Variants in TAFA1 observed in about 807,000 individuals in gnomAD.
TAFA1 encodes chemokine-like protein TAFA-1.
In TAFA1, 4 loss-of-function variants were observed where a neutral mutation model predicts 18.5. That is an observed-to-expected ratio of 0.22 (90% CI 0.11 to 0.49). The LOEUF is 0.49. TAFA1 is among the 20% of genes least tolerant of loss of function. The pLI, the probability that TAFA1 is intolerant of heterozygous loss-of-function variation, is 0.98. For missense variants in TAFA1, 147 were observed against 169.0 expected (o/e 0.87, Z 0.72); for synonymous variants, 56 against 55.2 (o/e 1.01, Z -0.06).
In TAFA1 at chr3:68,125,662, A is replaced by C. The variant is rs1238055009; in HGVS notation, c.118+118918A>C. Among the ~76,000 whole-genome samples, 3 of 152,186 alleles carry C rather than the reference A, an allele frequency of 2.0e-5. No homozygotes were observed. The East Asian group carries it at 5.8e-4, about 29-fold the overall frequency. The stretch of plus-strand genomic sequence containing the variant: ...TAAATTCTTGTTAAAAGAATTTAAC[A>C]AGACACTGTCTCTGGTGTCCCACAT... On this transcript the variant is annotated intron_variant, in intron 2 of 4. Coordinates refer to ENST00000478136, the MANE Select transcript of TAFA1 (RefSeq NM_213609.4).
chr3:68,448,607 A>AT (rs1452096430), intron 3 of TAFA1, among the ~76,000 whole-genome samples: 480 of 145,562 alleles, frequency 3.3e-3, no homozygotes, highest in South Asian at 7.5e-3. Context: ...GAAAGAGGTG[A>AT]TTTTTTTTTT....
At chr3:68,350,807 G>A (rs1183305126) in intron 2 of TAFA1, among the ~76,000 whole-genome samples, 2 of 152,102 alleles carry the variant, frequency 1.3e-5, no homozygotes, top group African/African-American at 2.4e-5. Context: ...TCGTGTGGCC[G>A]TGGACCAGCC....
chr3:68,512,464 C>G (rs904260123), intron 3 of TAFA1, among the ~76,000 whole-genome samples: 4 of 152,252 alleles, frequency 2.6e-5, no homozygotes, highest in Non-Finnish European at 4.4e-5. Flanking sequence ...CTATTACCAT[C>G]TTGCATATGT....
intron 2 of TAFA1, among the ~76,000 whole-genome samples, chr3:68,124,547 C>T (rs1022049115): frequency 6.6e-6 from 1 of 152,208 alleles, no homozygotes; most frequent in Admixed American, 6.5e-5. Flanking sequence ...TTGGGCTCTT[C>T]CCATGCAAGT....
At chr3:68,023,334 T>A (rs1200446252) in intron 2 of TAFA1, among the ~76,000 whole-genome samples, 1 of 152,176 alleles carries the variant, frequency 6.6e-6, no homozygotes, top group Non-Finnish European at 1.5e-5. Context: ...GAGCAGCATC[T>A]TTTTGAAACA....
At chr3:68,339,462 C>T (rs879217061) in intron 2 of TAFA1, among the ~76,000 whole-genome samples, 1 of 152,086 alleles carries the variant, frequency 6.6e-6, no homozygotes, top group Non-Finnish European at 1.5e-5. Flanking sequence ...GAGAGAAAGA[C>T]AAAGTTAAGG....
rs912173852 is a variant in TAFA1 at position 68,371,880 on chromosome 3, C to T, written c.119-45400C>T. Among the ~76,000 whole-genome samples the T allele has an allele frequency of 2.0e-5, 3 of 152,168 alleles. 1 individual carries two copies. The highest frequency in any genetic ancestry group is 2.0e-4 in the Admixed American group (3 of 15,266). ...ATGGTGCTACTGGTCAGTGTCAGTA[C>T]CAGCTAATTGCTCCCATGGGGACAT... On this transcript the variant is annotated intron_variant, in intron 2 of 4. Transcript: ENST00000478136.
In TAFA1 at chr3:68,145,615, G is replaced by A. The variant is rs2065729892; in HGVS notation, c.118+138871G>A. The A allele has an allele frequency of 4.1e-6, 6 of 1,453,284 alleles. No individual in the cohort carries two copies. In the South Asian group the frequency reaches 5.7e-5, roughly 14 times the overall value. The allele number at this position is 1,453,284 out of a possible 1,614,324, so 90.0% of individuals were successfully genotyped here. On this transcript the variant is annotated intron_variant, in intron 2 of 4. Coordinates refer to ENST00000478136, the MANE Select transcript of TAFA1 (RefSeq NM_213609.4). Reference sequence around the variant, plus strand: ...AGTTAGCCAGACTGACGGATTATGTGGCTTTCCTTGAAGACTGACTTATCA... The same window carrying A: ...AGTTAGCCAGACTGACGGATTATGTAGCTTTCCTTGAAGACTGACTTATCA...
At chr3:67,996,743 G>A in the TAFA1 span, among the ~76,000 whole-genome samples, 1 of 151,796 alleles carries the variant, frequency 6.6e-6, no homozygotes, top group Non-Finnish European at 1.5e-5. Flanking sequence ...AGGTTGCAGT[G>A]AGCCGAGGTC....
At chr3:68,035,120 T>G (rs535103962) in intron 2 of TAFA1, among the ~76,000 whole-genome samples, 1 of 152,178 alleles carries the variant, frequency 6.6e-6, no homozygotes, top group East Asian at 1.9e-4. Context: ...ATTTCCCAGA[T>G]CTTGTCATCT....
chr3:68,193,384 G>T (rs1252966589), intron 2 of TAFA1, among the ~76,000 whole-genome samples: 2 of 151,734 alleles, frequency 1.3e-5, no homozygotes, highest in Non-Finnish European at 3.0e-5. Flanking sequence ...GTCAAGGAAA[G>T]GAAGAAGTTC....
intron 2 of TAFA1, among the ~76,000 whole-genome samples, chr3:68,362,772 G>C (rs1398808068): frequency 6.6e-6 from 1 of 152,006 alleles, no homozygotes; most frequent in Admixed American, 6.6e-5. Context: ...GTTGGTGGAT[G>C]ATATCACTCA....
intron 3 of TAFA1, among the ~76,000 whole-genome samples, chr3:68,499,190 T>A (rs1459980698): frequency 6.6e-6 from 1 of 152,092 alleles, no homozygotes; most frequent in Non-Finnish European, 1.5e-5. Context: ...TCATTTTGTT[T>A]GTCAGGGACA....
chr3:68,368,807 G>T (rs2069623748), intron 2 of TAFA1, among the ~76,000 whole-genome samples: 1 of 152,196 alleles, frequency 6.6e-6, no homozygotes. Flanking sequence ...CAACACATTT[G>T]TGGAGCAGTT....
chr3:68,060,930 T>G (rs1268835684), intron 2 of TAFA1, among the ~76,000 whole-genome samples: 1 of 152,228 alleles, frequency 6.6e-6, no homozygotes, highest in Non-Finnish European at 1.5e-5. Context: ...CTTGTCAGGA[T>G]GGATGATTCA....
intron 3 of TAFA1, among the ~76,000 whole-genome samples, chr3:68,488,285 G>T (rs750754685): frequency 6.6e-6 from 1 of 152,148 alleles, no homozygotes; most frequent in East Asian, 1.9e-4. Context: ...GGAGAAAGAC[G>T]TAGGCCAGAA....
chr3:68,458,620 A>G (rs1439637427), intron 3 of TAFA1, among the ~76,000 whole-genome samples: 1 of 152,094 alleles, frequency 6.6e-6, no homozygotes, highest in Non-Finnish European at 1.5e-5. Context: ...ACTTTTCCCA[A>G]AGTGGCTTTT....
At chr3:68,117,959 A>G (rs573019641) in intron 2 of TAFA1, among the ~76,000 whole-genome samples, 1 of 152,176 alleles carries the variant, frequency 6.6e-6, no homozygotes, top group African/African-American at 2.4e-5. Context: ...TCATCTTGCA[A>G]AACTGAAACT....
At chr3:68,379,808 C>T (rs2069897619) in intron 2 of TAFA1, among the ~76,000 whole-genome samples, 1 of 150,492 alleles carries the variant, frequency 6.6e-6, no homozygotes, top group Non-Finnish European at 1.5e-5. Context: ...GGTACATGTG[C>T]ACAACATGCA....
Sources: gnomAD v4.1 joint callset for allele counts (sites outside exome capture counted in the v4.1 genomes callset) on GRCh38, gnomAD v4.1.1 for gene constraint, MANE v1.5 for transcripts, NCBI Gene and HGNC (gene_info 2026-07-23, HGNC 2026-07-21) for gene names.